Variants in SPTAN1 observed in about 807,000 individuals in gnomAD.
SPTAN1 encodes the protein spectrin alpha chain, non-erythrocytic 1.
A neutral mutation model predicts 331.3 loss-of-function variants in SPTAN1; 61 were observed. The observed-to-expected ratio is 0.18, with a 90% CI of 0.15 to 0.23. The LOEUF (loss-of-function observed/expected upper bound fraction) is 0.23, where lower values mean the gene tolerates loss of function less well. Among genes scored for constraint, SPTAN1 ranks in the 10% least tolerant of loss-of-function variants. The probability of loss-of-function intolerance (pLI) is 1.00; values close to 1 mark genes in which losing one functional copy is unlikely to be tolerated. For missense variants in SPTAN1, 2,043 were observed against 3,147.9 expected (o/e 0.65, Z 8.40); for synonymous variants, 1,153 against 1,173.9 (o/e 0.98, Z 0.36).
chr9:128,591,384 C>T (rs1417928040), intron 21 of SPTAN1, 93 bp from the exon 22 acceptor site: 5 of 1,558,400 alleles, frequency 3.2e-6, no homozygotes, highest in Non-Finnish European at 4.4e-6. Flanking sequence ...CCTCTTAAAA[C>T]AACGCTCTCG....
chr9:128,614,956 T>C (rs974205897), intron 40 of SPTAN1, among the ~76,000 whole-genome samples: 1 of 152,238 alleles, frequency 6.6e-6, no homozygotes, highest in Non-Finnish European at 1.5e-5. Flanking sequence ...ATGCCTGTTC[T>C]ATATGTTGAC....
chr9:128,574,645 C>G (rs755431637), intron 3 of SPTAN1, 30 bp from the exon 4 acceptor site: 2 of 1,613,980 alleles, frequency 1.2e-6, no homozygotes, highest in East Asian at 4.5e-5. Flanking sequence ...CAGTTGTGAT[C>G]TGATTAAAAC....
intron 26 of SPTAN1, 24 bp downstream of exon 26, chr9:128,599,010 G>C (rs771580135): frequency 1.2e-6 from 2 of 1,611,836 alleles, no homozygotes; most frequent in South Asian, 2.2e-5. Context: ...GCTGTGTGTG[G>C]ATCTTGAACA....
chr9:128,589,253 C>CT (rs1475711881), intron 21 of SPTAN1, among the ~76,000 whole-genome samples: 5 of 150,572 alleles, frequency 3.3e-5, no homozygotes, highest in African/African-American at 1.2e-4. Flanking sequence ...TTCTGTATAA[C>CT]TTGGACCTGT....
intron 1 of SPTAN1, among the ~76,000 whole-genome samples, chr9:128,561,035 A>AAG (rs71381772): frequency 1.4e-5 from 2 of 147,100 alleles, no homozygotes; most frequent in East Asian, 4.1e-4. Flanking sequence ...AAAAAAAAAA[A>AAG]GAAGTGAAAG....
chr9:128,628,028 C>T (rs564951495), intron 51 of SPTAN1, 86 bp downstream of exon 51: 13 of 1,538,796 alleles, frequency 8.4e-6, no homozygotes, highest in East Asian at 2.2e-5. Flanking sequence ...TGGAGGATCC[C>T]GGGATGGGCC....
chr9:128,567,019 C>A, intron 2 of SPTAN1, 42 bp downstream of exon 2: 12 of 1,612,492 alleles, frequency 7.4e-6, no homozygotes, highest in Non-Finnish European at 9.3e-6. Flanking sequence ...ATTCAAGAGC[C>A]CAAATGTTCT....
At chr9:128,615,946 G>C in intron 41 of SPTAN1, 106 bp downstream of exon 41, 3 of 1,250,206 alleles carry the variant, frequency 2.4e-6, no homozygotes, top group Non-Finnish European at 3.4e-6. Flanking sequence ...TGCTGGACTG[G>C]GATCCCAGCT....
chr9:128,598,386 CT>C lies in SPTAN1; in HGVS notation c.3415-10del. 1 of 1,605,324 alleles carries C rather than the reference CT, an allele frequency of 6.2e-7. No individual in the cohort carries two copies. Among genetic ancestry groups the C allele is most frequent in the South Asian group, 1.1e-5 (1 of 90,020 alleles). ...CTATTTTGGGTTTTAGTTATTATGG[CT>C]TTTGCTTTAAAGGACCTGAAGGCCA... On this transcript the variant is annotated splice_polypyrimidine_tract_variant and intron_variant, in intron 24 of 56. Coordinates refer to ENST00000372739, the MANE Select transcript of SPTAN1 (RefSeq NM_001130438.3).
In SPTAN1 at chr9:128,552,991, G is replaced by C. The variant is rs1212371115; in HGVS notation, c.-4+295G>C. 6.6e-6 allele frequency: 1 copy of C among 152,264 alleles called. No individual in the cohort carries two copies. Among genetic ancestry groups the C allele is most frequent in the Non-Finnish European group, 1.5e-5 (1 of 68,076 alleles). 9.4% of individuals were successfully genotyped at this position (152,264 alleles called of 1,614,324 possible). A position where few individuals can be genotyped will look rare whatever the true frequency, so the allele number is the denominator to read the frequency against. The stretch of plus-strand genomic sequence containing the variant: ...TCCCTCCCAACCACCCCCAAGCCTG[G>C]CTGCGGCGCGGCCCTGCCCTGCCCC... On this transcript the variant is annotated intron_variant, in intron 1 of 56. Coordinates refer to ENST00000372739, the MANE Select transcript of SPTAN1 (RefSeq NM_001130438.3). The surrounding 1 kb of genome is among the most constrained non-coding windows in gnomAD (Gnocchi z 4.6).
rs961951021 is a variant in SPTAN1 at position 128,629,954 on chromosome 9, G to A, written c.6708-367G>A. Reference sequence around the variant, plus strand: ...TGCCCTGAGGTCTCCTGTCTGTCAGGTGTCAGGGTGTGCCATCCCCCACAT... The same window carrying A: ...TGCCCTGAGGTCTCCTGTCTGTCAGATGTCAGGGTGTGCCATCCCCCACAT... On this transcript the variant is annotated intron_variant, in intron 51 of 56. Transcript: ENST00000372739. This position sits in a 1 kb window ranked among gnomAD's most constrained non-coding sequence, Gnocchi z 4.9. 13 of 381,016 alleles carry A rather than the reference G, an allele frequency of 3.4e-5. No homozygotes were observed. The highest frequency in any genetic ancestry group is 5.6e-5 in the Non-Finnish European group (11 of 196,076). 23.6% of individuals were successfully genotyped at this position (381,016 alleles called of 1,614,324 possible).
rs1187065937 is a variant in SPTAN1, at chr9:128,615,681, G to T, written c.5198G>T (p.Ser1733Ile). 1 of 1,614,070 alleles carries T rather than the reference G, an allele frequency of 6.2e-7. No individual in the cohort carries two copies. The highest frequency in any genetic ancestry group is 2.2e-5 in the East Asian group (1 of 44,878). Residue 1733 changes from serine (S) to isoleucine (I), a missense_variant, in exon 41 of 57, where the codon AGT becomes ATT. Physicochemically the swap from Ser to Ile is moderately radical, Grantham distance 142. Coordinates refer to ENST00000372739, the MANE Select transcript of SPTAN1 (RefSeq NM_001130438.3). ...CAGGCAGACAGCCTGATGACCAGCA[G>T]TGCCTTCGACACCTCCCAAGTAAAG... ...NSQADSLMTS[S>I]AFDTSQVKDK...
chr9:128,613,780 G>A (rs1449257988), intron 40 of SPTAN1, among the ~76,000 whole-genome samples: 1 of 152,182 alleles, frequency 6.6e-6, no homozygotes, highest in African/African-American at 2.4e-5. Context: ...CAGACAGGCA[G>A]ATCTCCTGAG....
chr9:128,566,594 T>G lies in SPTAN1; in HGVS notation c.-3-144T>G, dbSNP rs1850065471. On this transcript the variant is annotated intron_variant, in intron 1 of 56. Coordinates refer to ENST00000372739, the MANE Select transcript of SPTAN1 (RefSeq NM_001130438.3). ...ATAAAGAAATAGGATCTGGGCTTCATTGTTCCTAAGAAGGGGCTGTCTTCT... is the reference window on the plus strand; with the variant it reads ...ATAAAGAAATAGGATCTGGGCTTCAGTGTTCCTAAGAAGGGGCTGTCTTCT... The G allele has an allele frequency of 9.6e-6, 12 of 1,252,182 alleles. No homozygotes were observed. The South Asian group carries it at 1.6e-4, about 16-fold the overall frequency. 77.6% of individuals were successfully genotyped at this position (1,252,182 alleles called of 1,614,324 possible). A position where few individuals can be genotyped will look rare whatever the true frequency, so the allele number is the denominator to read the frequency against.
intron 3 of SPTAN1, among the ~76,000 whole-genome samples, chr9:128,571,291 G>GAA (rs57643375): frequency 5.8e-4 from 84 of 145,678 alleles, no homozygotes; most frequent in South Asian, 6.6e-4. Context: ...CTGGGAAAAA[G>GAA]AAAAAAAAAA....
At chr9:128,630,480 A>C in intron 52 of SPTAN1, 105 bp downstream of exon 52, 2 of 1,128,468 alleles carry the variant, frequency 1.8e-6, no homozygotes, top group South Asian at 2.5e-5. Flanking sequence ...ATGTGCTATT[A>C]TTGTACCCTT....
In SPTAN1 at chr9:128,627,132, A is replaced by G; in HGVS notation, c.6577-254A>G. On this transcript the variant is annotated intron_variant, in intron 49 of 56. Transcript: ENST00000372739. The surrounding 1 kb of genome is among the most constrained non-coding windows in gnomAD (Gnocchi z 4.9). ...CCAGCCAGAAGTTTCCATTTCTGAC[A>G]GTCCAGCAACTCCCTGCTTGACTGA... 3.3e-6 allele frequency: 2 copies of G among 609,372 alleles called. No individual in the cohort carries two copies. The highest frequency in any genetic ancestry group is 6.1e-6 in the Non-Finnish European group (2 of 326,822). 37.7% of individuals were successfully genotyped at this position (609,372 alleles called of 1,614,324 possible).
At chr9:128,564,802 C>T (rs1002871860) in intron 1 of SPTAN1, among the ~76,000 whole-genome samples, 3 of 152,108 alleles carry the variant, frequency 2.0e-5, no homozygotes, top group Admixed American at 6.6e-5. Context: ...TAAGCGCTAT[C>T]TAGGCAAAGA....
intron 24 of SPTAN1, among the ~76,000 whole-genome samples, chr9:128,595,278 T>G (rs546979258): frequency 2.0e-5 from 3 of 152,168 alleles, no homozygotes; most frequent in African/African-American, 7.2e-5. Flanking sequence ...TCTGGCAAAT[T>G]TTTGTATTTT....
Sources: allele counts gnomAD v4.1 joint callset (sites outside exome capture counted in the v4.1 genomes callset), GRCh38; gene constraint gnomAD v4.1.1; non-coding constraint Gnocchi (gnomAD v3.1); transcripts MANE v1.5; gene names NCBI Gene and HGNC (gene_info 2026-07-23, HGNC 2026-07-21).